The following CFAP61 variants were observed in gnomAD, a reference collection of about 807,000 sequenced individuals.
The protein encoded by CFAP61 is cilia- and flagella-associated protein 61.
In CFAP61, 107 loss-of-function variants were observed where a neutral mutation model predicts 135.6. The observed-to-expected ratio is 0.79, with a 90% CI of 0.67 to 0.93. The LOEUF (loss-of-function observed/expected upper bound fraction) is 0.93. Ranked by LOEUF, CFAP61 falls within the 40% of genes least tolerant of loss-of-function variation. The probability of loss-of-function intolerance (pLI) is 0.00; values close to 1 mark genes in which losing one functional copy is unlikely to be tolerated. For missense variants in CFAP61, 1,507 were observed against 1,556.2 expected (o/e 0.97, Z 0.53); for synonymous variants, 575 against 578.5 (o/e 0.99, Z 0.09).
chr20:20,245,383 G>C (rs770035260), intron 18 of CFAP61, among the ~76,000 whole-genome samples: 4 of 152,214 alleles, frequency 2.6e-5, no homozygotes, highest in Non-Finnish European at 5.9e-5. Context: ...AGAGGAACAA[G>C]TCACGTCTTA....
chr20:20,328,418 A>G (rs2057845830), intron 25 of CFAP61, among the ~76,000 whole-genome samples: 1 of 152,222 alleles, frequency 6.6e-6, no homozygotes, highest in South Asian at 2.1e-4. Context: ...TCTCAAACTT[A>G]ACAAGGCCAA....
intron 6 of CFAP61, among the ~76,000 whole-genome samples, chr20:20,088,378 G>A (rs547942990): frequency 1.4e-4 from 22 of 152,292 alleles, no homozygotes; most frequent in African/African-American, 3.9e-4. Flanking sequence ...GTTCTGCAGC[G>A]CTGGGGAGGC....
At chr20:20,327,361 A>G (rs2057791081) in intron 25 of CFAP61, among the ~76,000 whole-genome samples, 1 of 152,218 alleles carries the variant, frequency 6.6e-6, no homozygotes, top group Non-Finnish European at 1.5e-5. Flanking sequence ...ATGAACAAGT[A>G]ATTTTTTAAA....
At chr20:20,225,254 T>C (rs2048657423) in intron 17 of CFAP61, 1 of 152,146 alleles carries the variant, frequency 6.6e-6, no homozygotes, top group Admixed American at 6.5e-5. Context: ...TTAAAAACCG[T>C]CTGTACTAAT....
chr20:20,169,289 T>C, intron 12 of CFAP61, 32 bp from the exon 13 acceptor site: 1 of 1,578,964 alleles, frequency 6.3e-7, no homozygotes, highest in South Asian at 1.2e-5. Context: ...TTTTTTATTC[T>C]TTCTCTGTGT....
intron 1 of CFAP61, 77 bp from the exon 2 acceptor site, chr20:20,056,541 T>G (rs1315625394): frequency 9.8e-7 from 1 of 1,020,536 alleles, no homozygotes. Context: ...ATGTTCACTC[T>G]GACCACATGG....
chr20:20,182,576 G>A (rs1422355363), intron 13 of CFAP61, among the ~76,000 whole-genome samples: 1 of 152,202 alleles, frequency 6.6e-6, no homozygotes, highest in Non-Finnish European at 1.5e-5. Context: ...GCACACAGCA[G>A]ATGTTTAATA....
intron 25 of CFAP61, among the ~76,000 whole-genome samples, chr20:20,323,614 T>G (rs978598761): frequency 2.0e-5 from 3 of 152,180 alleles, no homozygotes; most frequent in Non-Finnish European, 4.4e-5. Context: ...GGGCTGCACC[T>G]AGAGGCACCT....
intron 25 of CFAP61, among the ~76,000 whole-genome samples, chr20:20,340,658 A>G (rs1462011864): frequency 6.6e-6 from 1 of 152,156 alleles, no homozygotes; most frequent in East Asian, 1.9e-4. Flanking sequence ...AGCAGCGAGC[A>G]GGCGGTTCCG....
chr20:20,172,720 C>T (rs6046689), intron 13 of CFAP61, among the ~76,000 whole-genome samples: 136,936 of 152,230 alleles, frequency 0.9, 62,412 homozygotes, highest in Middle Eastern at 0.99. Context: ...TACACAGACT[C>T]TCGCATCATG....
chr20:20,235,809 A>G (rs1399753389), intron 18 of CFAP61, among the ~76,000 whole-genome samples: 2 of 152,340 alleles, frequency 1.3e-5, no homozygotes, highest in East Asian at 3.9e-4. Context: ...GCCCCGCCTG[A>G]AAACACAGGC....
At chr20:20,054,004 T>G (rs1379595630) in intron 1 of CFAP61, among the ~76,000 whole-genome samples, 1 of 111,622 alleles carries the variant, frequency 9.0e-6, no homozygotes, top group Non-Finnish European at 1.9e-5. Context: ...GTGTGTGTTT[T>G]TTTTGTTTGT....
intron 8 of CFAP61, among the ~76,000 whole-genome samples, chr20:20,136,544 A>T (rs770526595): frequency 1.3e-4 from 19 of 151,968 alleles, no homozygotes; most frequent in Admixed American, 3.3e-4. Context: ...ATTTTTCATT[A>T]TGTCAGTTGC....
At chr20:20,341,464 C>A (rs1207337651) in intron 25 of CFAP61, among the ~76,000 whole-genome samples, 1 of 152,156 alleles carries the variant, frequency 6.6e-6, no homozygotes, top group Non-Finnish European at 1.5e-5. Flanking sequence ...TTATTGTCTA[C>A]CCAAATTTAA....
intron 24 of CFAP61, among the ~76,000 whole-genome samples, chr20:20,294,885 G>A (rs908012877): frequency 6.6e-6 from 1 of 150,492 alleles, no homozygotes; most frequent in Non-Finnish European, 1.5e-5. Context: ...CCGAGATTGC[G>A]CCACTGCAGT....
chr20:20,209,172 G>A (rs906723339), intron 17 of CFAP61, among the ~76,000 whole-genome samples: 1 of 152,158 alleles, frequency 6.6e-6, no homozygotes, highest in African/African-American at 2.4e-5. Context: ...GTCACGGTTT[G>A]GGGACTAAAC....
rs140347857 is a variant in CFAP61, at chr20:20,079,618, C to G, written c.566+4003C>G. Among the ~76,000 whole-genome samples, 1,175 of 152,202 alleles carry G rather than the reference C, an allele frequency of 7.7e-3. 20 individuals are homozygous for G. Among genetic ancestry groups the G allele is most frequent in the African/African-American group, 0.027 (1,107 of 41,526 alleles). On this transcript the variant is annotated intron_variant, in intron 6 of 26. Coordinates refer to ENST00000245957, the MANE Select transcript of CFAP61 (RefSeq NM_015585.4). The stretch of plus-strand genomic sequence containing the variant: ...TATTTGCATTCTGAGAGCGGGGCAG[C>G]ATGTCTCTTAACGAAGTTCACCAAG...
At chr20:20,181,537 G>A (rs1028382173) in intron 13 of CFAP61, among the ~76,000 whole-genome samples, 13 of 152,018 alleles carry the variant, frequency 8.6e-5, no homozygotes, top group African/African-American at 2.7e-4. Context: ...ACTTTGGGTG[G>A]GGCTTCATCA....
At chr20:20,304,966 C>G (rs1299790314) in intron 25 of CFAP61, among the ~76,000 whole-genome samples, 1 of 152,182 alleles carries the variant, frequency 6.6e-6, no homozygotes, top group Non-Finnish European at 1.5e-5. Flanking sequence ...TCTGTGCATC[C>G]TTTATCCTCG....
Sources: gnomAD v4.1 joint callset for allele counts (sites outside exome capture counted in the v4.1 genomes callset) on GRCh38, gnomAD v4.1.1 for gene constraint, MANE v1.5 for transcripts, NCBI Gene and HGNC (gene_info 2026-07-23, HGNC 2026-07-21) for gene names.